Variants in MACROD1 observed in about 807,000 individuals in gnomAD.
MACROD1 encodes mono-ADP ribosylhydrolase 1.
A neutral mutation model predicts 41.4 loss-of-function variants in MACROD1; 31 were observed. The ratio of observed to expected loss-of-function variants is 0.75; its 90% CI spans 0.56 to 1.01. The LOEUF (loss-of-function observed/expected upper bound fraction) is 1.01, where lower values mean the gene tolerates loss of function less well. Among genes scored for constraint, MACROD1 ranks in the 50% least tolerant of loss-of-function variants. The pLI is 0.00. For missense variants in MACROD1, 473 were observed against 460.0 expected (o/e 1.03, Z -0.26); for synonymous variants, 252 against 203.4 (o/e 1.24, Z -2.03).
At chr11:64,104,738 A>G (rs635139) in intron 3 of MACROD1, among the ~76,000 whole-genome samples, 71,036 of 151,996 alleles carry the variant, frequency 0.47, 17,398 homozygotes, top group African/African-American at 0.61. Flanking sequence ...CACCATCTGC[A>G]CTGGCTTCCA....
rs1229955196 is a variant in MACROD1, at chr11:63,998,879, G to A, written c.974-7C>T. ...GGGCTGCGGGAGCCTCAGGCTGGAA[G>A]GCAGAGGACAGTGAGAGCCCGCCCC... On this transcript the variant is annotated splice_region_variant and splice_polypyrimidine_tract_variant and intron_variant, in intron 9 of 10. Coordinates refer to ENST00000255681, the MANE Select transcript of MACROD1 (RefSeq NM_014067.4). The A allele has an allele frequency of 6.3e-7, 1 of 1,595,830 alleles. No homozygotes were observed. The highest frequency in any genetic ancestry group is 8.5e-7 in the Non-Finnish European group (1 of 1,172,640).
In MACROD1 at chr11:64,088,319, C is replaced by T. The variant is rs117422055; in HGVS notation, c.517+62920G>A. On this transcript the variant is annotated intron_variant, in intron 3 of 10. Coordinates refer to ENST00000255681, the MANE Select transcript of MACROD1 (RefSeq NM_014067.4). ...TGCGTCACTAGGCTCGGTGGCCAGG[C>T]GGGGCCAGGGAGGGGCAGCATAGAC... is the stretch of plus-strand genomic sequence containing the variant. Among the ~76,000 whole-genome samples the T allele has an allele frequency of 9.9e-5, 15 of 152,076 alleles. 1 individual carries two copies. Among genetic ancestry groups the T allele is most frequent in the African/African-American group, 2.9e-4 (12 of 41,488 alleles).
At chr11:64,116,562 C>A in intron 3 of MACROD1, 2 of 1,614,106 alleles carry the variant, frequency 1.2e-6, no homozygotes, top group Non-Finnish European at 1.7e-6. Flanking sequence ...CGCCGGCATC[C>A]CCCAGGACCT....
intron 3 of MACROD1, among the ~76,000 whole-genome samples, chr11:64,093,890 T>TG: frequency 6.6e-6 from 1 of 152,178 alleles, no homozygotes; most frequent in Non-Finnish European, 1.5e-5. Context: ...AACCAGAAGC[T>TG]GGGGGCAAGG....
At chr11:64,037,275 G>A (rs965278434) in intron 3 of MACROD1, among the ~76,000 whole-genome samples, 1 of 152,268 alleles carries the variant, frequency 6.6e-6, no homozygotes, top group Admixed American at 6.5e-5. Flanking sequence ...TCTGTGGGGG[G>A]GACCCACGAT....
intron 3 of MACROD1, among the ~76,000 whole-genome samples, chr11:64,091,923 C>T (rs146750504): frequency 9.8e-4 from 149 of 152,332 alleles, no homozygotes; most frequent in African/African-American, 3.5e-3. Context: ...CGAGGCCTCT[C>T]TCTGGGGCTG....
At chr11:64,116,600 C>G (rs1390003679) in intron 3 of MACROD1, 1 of 1,614,102 alleles carries the variant, frequency 6.2e-7, no homozygotes, top group Non-Finnish European at 8.5e-7. Context: ...TGCAGGTCAT[C>G]TACCTATACG....
At chr11:64,136,811 G>A (rs1055415118) in intron 3 of MACROD1, among the ~76,000 whole-genome samples, 7 of 152,346 alleles carry the variant, frequency 4.6e-5, no homozygotes, top group South Asian at 2.1e-4. Context: ...GGAGAGAATC[G>A]GGAGATGGGG....
At chr11:64,098,148 T>G (rs1016301340) in intron 3 of MACROD1, among the ~76,000 whole-genome samples, 1 of 152,106 alleles carries the variant, frequency 6.6e-6, no homozygotes, top group Non-Finnish European at 1.5e-5. Context: ...GCGAGAACAC[T>G]CTTTCTAAAC....
chr11:64,152,582 T>C (rs1441620522), intron 1 of MACROD1, among the ~76,000 whole-genome samples, 189 bp from the exon 2 acceptor site: 2 of 152,216 alleles, frequency 1.3e-5, no homozygotes, highest in Non-Finnish European at 2.9e-5. Flanking sequence ...CCTGCTCTCT[T>C]TGTTCAGGGA....
At chr11:64,050,829 G>A (rs1259038398) in intron 3 of MACROD1, among the ~76,000 whole-genome samples, 1 of 152,252 alleles carries the variant, frequency 6.6e-6, no homozygotes, top group African/African-American at 2.4e-5. Context: ...ATGTTGGCCA[G>A]GCTGGTCTCG....
chr11:64,052,510 G>A (rs553374308), intron 3 of MACROD1, among the ~76,000 whole-genome samples: 2 of 152,292 alleles, frequency 1.3e-5, no homozygotes, highest in African/African-American at 4.8e-5. Context: ...CATGAAGTTA[G>A]CCCTTCTGAG....
At chr11:64,162,553 G>A (rs888522918) in intron 1 of MACROD1, among the ~76,000 whole-genome samples, 5 of 152,020 alleles carry the variant, frequency 3.3e-5, no homozygotes, top group African/African-American at 9.6e-5. Context: ...AGTGGCTCAC[G>A]ACTGTAATCC....
intron 3 of MACROD1, among the ~76,000 whole-genome samples, chr11:64,020,013 G>A (rs939384811): frequency 6.6e-6 from 1 of 152,146 alleles, no homozygotes; most frequent in Admixed American, 6.5e-5. Flanking sequence ...CAGTAGACAC[G>A]TGCTTAGGGC....
chr11:64,078,925 A>G (rs2134484238), intron 3 of MACROD1, among the ~76,000 whole-genome samples: 1 of 152,278 alleles, frequency 6.6e-6, no homozygotes, highest in South Asian at 2.1e-4. Context: ...ACATATCTTT[A>G]TGCCAGTGCG....
chr11:64,079,593 G>A (rs1435650946), intron 3 of MACROD1, among the ~76,000 whole-genome samples: 4 of 152,300 alleles, frequency 2.6e-5, no homozygotes, highest in Admixed American at 6.5e-5. Flanking sequence ...GGTCCTGGGC[G>A]TGGGGTGGGA....
At chr11:64,147,903 G>C (rs551983942) in intron 3 of MACROD1, among the ~76,000 whole-genome samples, 1 of 151,540 alleles carries the variant, frequency 6.6e-6, no homozygotes, top group Admixed American at 6.6e-5. Flanking sequence ...CCACCATGCC[G>C]TATTATTTTT....
At chr11:64,149,050 C>T (rs1355982742) in intron 3 of MACROD1, 1 of 984,708 alleles carries the variant, frequency 1.0e-6, no homozygotes, top group African/African-American at 1.7e-5. Flanking sequence ...ACAAAAAGAT[C>T]CCAGGAGAAC....
chr11:64,069,710 C>T (rs117778229), intron 3 of MACROD1, among the ~76,000 whole-genome samples: 2 of 152,294 alleles, frequency 1.3e-5, no homozygotes, highest in Non-Finnish European at 2.9e-5. Context: ...GGTGGTGGGG[C>T]TGGTGACACC....
Sources: gnomAD v4.1 joint callset for allele counts (sites outside exome capture counted in the v4.1 genomes callset) on GRCh38, gnomAD v4.1.1 for gene constraint, MANE v1.5 for transcripts, NCBI Gene and HGNC (gene_info 2026-07-23, HGNC 2026-07-21) for gene names.